RSRC1: variants seen among roughly 807,000 people sequenced by gnomAD.
The protein encoded by RSRC1 is serine/Arginine-related protein 53.
A neutral mutation model predicts 49.1 loss-of-function variants in RSRC1; 39 were observed. The observed-to-expected ratio is 0.79, with a 90% CI of 0.61 to 1.04. RSRC1 has a LOEUF of 1.04. RSRC1 is among the 50% of genes least tolerant of loss of function. The probability of loss-of-function intolerance (pLI) is 0.00; values close to 1 mark genes in which losing one functional copy is unlikely to be tolerated. For missense variants in RSRC1, 388 were observed against 402.4 expected, an observed-to-expected ratio of 0.96 and a Z score of 0.31; for synonymous variants, 143 against 130.8, an observed-to-expected ratio of 1.09 and a Z score of -0.63.
At chr3:158,269,350 A>T (rs1725376578) in intron 4 of RSRC1, among the ~76,000 whole-genome samples, 1 of 152,208 alleles carries the variant, frequency 6.6e-6, no homozygotes, top group Non-Finnish European at 1.5e-5. Context: ...TTTATGGTGT[A>T]TGATATATGA....
chr3:158,255,155 A>G (rs1489699134), intron 4 of RSRC1, among the ~76,000 whole-genome samples: 1 of 152,122 alleles, frequency 6.6e-6, no homozygotes, highest in Non-Finnish European at 1.5e-5. Flanking sequence ...TGTGTCCTTA[A>G]TGGTATTCCC....
At chr3:158,454,036 T>C (rs1737189536) in intron 6 of RSRC1, among the ~76,000 whole-genome samples, 1 of 152,114 alleles carries the variant, frequency 6.6e-6, no homozygotes, top group Non-Finnish European at 1.5e-5. Context: ...TTTCTTGGTA[T>C]TTCACAGTTT....
intron 4 of RSRC1, among the ~76,000 whole-genome samples, chr3:158,256,348 T>C (rs1724558016): frequency 6.6e-6 from 1 of 152,240 alleles, no homozygotes; most frequent in South Asian, 2.1e-4. Context: ...GTTCTGTTCA[T>C]GTGATGGATT....
At chr3:158,219,685 A>G (rs1389318665) in intron 4 of RSRC1, among the ~76,000 whole-genome samples, 1 of 151,674 alleles carries the variant, frequency 6.6e-6, no homozygotes, top group African/African-American at 2.4e-5. Flanking sequence ...AATGGATTGA[A>G]GGCTGAGAGA....
chr3:158,120,499 A>G (rs1309316373), intron 1 of RSRC1, among the ~76,000 whole-genome samples: 1 of 149,192 alleles, frequency 6.7e-6, no homozygotes, highest in Non-Finnish European at 1.5e-5. Context: ...GGTTTTTGCC[A>G]TTACTTTTAA....
At chr3:158,377,131 A>G (rs192831215) in intron 6 of RSRC1, among the ~76,000 whole-genome samples, 1 of 152,228 alleles carries the variant, frequency 6.6e-6, no homozygotes, top group Non-Finnish European at 1.5e-5. Flanking sequence ...GGCAGTTTTC[A>G]ATATTTTCTC....
At chr3:158,170,285 T>C (rs987284744) in intron 3 of RSRC1, among the ~76,000 whole-genome samples, 2 of 147,898 alleles carry the variant, frequency 1.4e-5, no homozygotes, top group African/African-American at 5.0e-5. Flanking sequence ...TTCTTTTATA[T>C]GTTAACCTCT....
chr3:158,331,452 C>G (rs1021931668), intron 5 of RSRC1, among the ~76,000 whole-genome samples: 1 of 152,044 alleles, frequency 6.6e-6, no homozygotes, highest in Non-Finnish European at 1.5e-5. Context: ...TTTATTGTCA[C>G]TGTTTTGCCA....
At chr3:158,408,835 C>T (rs1734281419) in intron 6 of RSRC1, among the ~76,000 whole-genome samples, 1 of 151,916 alleles carries the variant, frequency 6.6e-6, no homozygotes, top group South Asian at 2.1e-4. Context: ...AGTTTGAGAC[C>T]AGCCTGGCCA....
intron 5 of RSRC1, among the ~76,000 whole-genome samples, chr3:158,305,867 T>A (rs183160993): frequency 9.9e-5 from 15 of 152,230 alleles, no homozygotes; most frequent in Admixed American, 2.6e-4. Flanking sequence ...TTCACTTTTT[T>A]AATTTTCCCC....
chr3:158,327,154 A>G (rs896264572), intron 5 of RSRC1, among the ~76,000 whole-genome samples: 5 of 152,044 alleles, frequency 3.3e-5, no homozygotes, highest in African/African-American at 9.7e-5. Context: ...CTAGCGGTCT[A>G]TCAATTTTGT....
At chr3:158,311,421 A>T (rs910226379) in intron 5 of RSRC1, among the ~76,000 whole-genome samples, 1 of 151,952 alleles carries the variant, frequency 6.6e-6, no homozygotes, top group Non-Finnish European at 1.5e-5. Context: ...TTTTAAATCC[A>T]GCCTTTAATA....
chr3:158,413,884 G>C (rs998205539), intron 6 of RSRC1, among the ~76,000 whole-genome samples: 1 of 152,138 alleles, frequency 6.6e-6, no homozygotes, highest in East Asian at 1.9e-4. Flanking sequence ...CACACTGTTG[G>C]TGGGAATGTA....
chr3:158,365,861 C>T (rs1320276499), intron 6 of RSRC1, among the ~76,000 whole-genome samples: 1 of 152,180 alleles, frequency 6.6e-6, no homozygotes, highest in African/African-American at 2.4e-5. Flanking sequence ...GAGATGATAT[C>T]TCATTGTGGT....
At chr3:158,417,785 T>C (rs905713494) in intron 6 of RSRC1, among the ~76,000 whole-genome samples, 1 of 150,764 alleles carries the variant, frequency 6.6e-6, no homozygotes, top group Non-Finnish European at 1.5e-5. Flanking sequence ...TATTTTATCC[T>C]ATATATTATT....
rs188091726 is a variant in RSRC1, at chr3:158,184,530, C to A, written c.321-18542C>A. 2.0e-5 allele frequency among the ~76,000 whole-genome samples: 3 copies of A among 152,176 alleles called. No individual in the cohort carries two copies. In the East Asian group the frequency reaches 5.8e-4, roughly 29 times the overall value. On this transcript the variant is annotated intron_variant, in intron 3 of 9. Coordinates refer to ENST00000611884, the MANE Select transcript of RSRC1 (RefSeq NM_001271838.2). ...TCAAATTCTTTCATTACCATTAAAGCCTTTTTTGGCAATTAAAATAATGAC... is the reference window on the plus strand; with the variant it reads ...TCAAATTCTTTCATTACCATTAAAGACTTTTTTGGCAATTAAAATAATGAC...
At chr3:158,305,760 A>T (rs1727802537) in intron 5 of RSRC1, among the ~76,000 whole-genome samples, 1 of 152,090 alleles carries the variant, frequency 6.6e-6, no homozygotes, top group Non-Finnish European at 1.5e-5. Context: ...TAATTTTAAC[A>T]TACACAGCCT....
At chr3:158,414,319 A>G (rs1177259800) in intron 6 of RSRC1, among the ~76,000 whole-genome samples, 1 of 152,120 alleles carries the variant, frequency 6.6e-6, no homozygotes, top group East Asian at 1.9e-4. Flanking sequence ...CAAACACCAC[A>G]TGTTCTCACT....
At chr3:158,200,426 A>T (rs1720976475) in intron 3 of RSRC1, among the ~76,000 whole-genome samples, 1 of 152,156 alleles carries the variant, frequency 6.6e-6, no homozygotes, top group Non-Finnish European at 1.5e-5. Context: ...GATGGCATAC[A>T]GTATTGCTTT....
Sources: gnomAD v4.1 joint callset for allele counts (sites outside exome capture counted in the v4.1 genomes callset) on GRCh38, gnomAD v4.1.1 for gene constraint, MANE v1.5 for transcripts, NCBI Gene and HGNC (gene_info 2026-07-23, HGNC 2026-07-21) for gene names.